DIAPH2: variants seen among roughly 807,000 people sequenced by gnomAD.
The protein encoded by DIAPH2 is diaphanous related formin 2, also known as protein diaphanous homolog 2.
A neutral mutation model predicts 92.7 loss-of-function variants in DIAPH2; 35 were observed. That is an observed-to-expected ratio of 0.38 (90% confidence interval 0.29 to 0.50). The LOEUF (loss-of-function observed/expected upper bound fraction) is 0.50. Ranked by LOEUF, DIAPH2 falls within the 20% of genes least tolerant of loss-of-function variation. The pLI, the probability that DIAPH2 is intolerant of heterozygous loss-of-function variation, is 0.94. For synonymous variants in DIAPH2, 301 were observed against 280.4 expected (o/e 1.07, Z -0.73); for missense variants, 701 against 819.5 (o/e 0.86, Z 1.77).
chrX:97,570,348 C>A (rs1379787921), intron 26 of DIAPH2, among the ~76,000 whole-genome samples: 1 of 104,688 alleles, frequency 9.6e-6, no homozygotes, highest in Non-Finnish European at 1.9e-5. Context: ...ATCTAAACTC[C>A]TTTCTGCTTG....
intron 26 of DIAPH2, among the ~76,000 whole-genome samples, chrX:97,491,753 G>T (rs2070727080): frequency 9.0e-6 from 1 of 111,472 alleles, no homozygotes; most frequent in Non-Finnish European, 1.9e-5. Context: ...CCCTTTTGTT[G>T]ATTGTTTTCT....
intron 4 of DIAPH2, among the ~76,000 whole-genome samples, chrX:96,842,195 A>G (rs1374245013): frequency 8.9e-6 from 1 of 111,927 alleles, no homozygotes. Context: ...CTAAAGGTCC[A>G]GTGCCATTTC....
At chrX:97,529,997 A>G (rs1472421765) in intron 26 of DIAPH2, among the ~76,000 whole-genome samples, 1 of 112,306 alleles carries the variant, frequency 8.9e-6, no homozygotes, top group African/African-American at 3.2e-5. Context: ...AATCTCAAGC[A>G]AGGAAAACTA....
At chrX:96,977,037 T>A (rs1243385191) in intron 17 of DIAPH2, among the ~76,000 whole-genome samples, 2 of 111,486 alleles carry the variant, frequency 1.8e-5, no homozygotes, top group Non-Finnish European at 3.8e-5. Flanking sequence ...TTGTTCTTAA[T>A]CTTAATCACT....
At chrX:96,989,672 A>G (rs1277345947) in intron 17 of DIAPH2, among the ~76,000 whole-genome samples, 1 of 111,737 alleles carries the variant, frequency 8.9e-6, no homozygotes, top group African/African-American at 3.3e-5. Flanking sequence ...GTATATTGGA[A>G]TTGAGATTTG....
intron 4 of DIAPH2, among the ~76,000 whole-genome samples, chrX:96,877,407 T>C (rs2065187524): frequency 8.9e-6 from 1 of 111,936 alleles, no homozygotes; most frequent in South Asian, 3.7e-4. Flanking sequence ...TCATGGTCAA[T>C]AACACTAACA....
intron 26 of DIAPH2, among the ~76,000 whole-genome samples, chrX:97,510,012 G>T (rs1192251974): frequency 2.7e-5 from 3 of 111,038 alleles, no homozygotes; most frequent in Non-Finnish European, 3.8e-5. Context: ...ATAGTCCTTT[G>T]GGTATATACC....
chrX:97,340,053 C>A (rs749279944), intron 23 of DIAPH2, among the ~76,000 whole-genome samples: 35 of 111,607 alleles, frequency 3.1e-4, no homozygotes, highest in African/African-American at 1.1e-3. Context: ...ACATTTTGAT[C>A]CTGGAATAGT....
At chrX:96,851,071 G>A (rs1201541179) in intron 4 of DIAPH2, among the ~76,000 whole-genome samples, 1 of 111,138 alleles carries the variant, frequency 9.0e-6, no homozygotes, top group Non-Finnish European at 1.9e-5. Context: ...TGTACTTATT[G>A]AAGCAGGAAT....
intron 23 of DIAPH2, among the ~76,000 whole-genome samples, chrX:97,314,364 G>C (rs1322997454): frequency 9.0e-6 from 1 of 111,087 alleles, no homozygotes; most frequent in Non-Finnish European, 1.9e-5. Context: ...AGTGTGCTAT[G>C]ATCATGCCAC....
chrX:96,848,461 G>T lies in DIAPH2; in HGVS notation c.448-33118G>T, dbSNP rs181454828. Among the ~76,000 whole-genome samples, 15 of 112,121 alleles carry T rather than the reference G, an allele frequency of 1.3e-4. No homozygotes were observed. The East Asian group carries it at 2.0e-3, about 15-fold the overall frequency. On this transcript the variant is annotated intron_variant, in intron 4 of 26. Transcript: ENST00000324765. ...ATTTTAAAATTATCATTTTGTTATT[G>T]ATTGCTATGCCAACCAATACTCTTT... is the stretch of plus-strand genomic sequence containing the variant.
intron 17 of DIAPH2, among the ~76,000 whole-genome samples, chrX:96,996,939 A>C (rs866484016): frequency 8.9e-6 from 1 of 111,877 alleles, no homozygotes; most frequent in South Asian, 3.7e-4. Context: ...ATATATTCTT[A>C]TTTTCTTATT....
chrX:97,155,353 T>G (rs2067314650), intron 22 of DIAPH2, among the ~76,000 whole-genome samples: 1 of 109,598 alleles, frequency 9.1e-6, no homozygotes, highest in Non-Finnish European at 1.9e-5. Context: ...ATACAAAAAT[T>G]AGCCGGGTGT....
chrX:97,237,252 T>A, intron 22 of DIAPH2, among the ~76,000 whole-genome samples: 1 of 112,278 alleles, frequency 8.9e-6, no homozygotes, highest in South Asian at 3.7e-4. Context: ...TTTGACAACC[T>A]ACACTTTTAT....
intron 25 of DIAPH2, among the ~76,000 whole-genome samples, chrX:97,411,860 A>G (rs2069877860): frequency 8.9e-6 from 1 of 112,028 alleles, no homozygotes; most frequent in Admixed American, 9.5e-5. Context: ...TGACTATCCT[A>G]AATATATATG....
chrX:96,808,656 A>T (rs1176780385), intron 4 of DIAPH2, among the ~76,000 whole-genome samples: 2 of 111,978 alleles, frequency 1.8e-5, no homozygotes, highest in Non-Finnish European at 3.8e-5. Context: ...GTTGTTTTTC[A>T]ACTAGTACTC....
At chrX:97,579,559 T>G (rs1255657346) in intron 26 of DIAPH2, among the ~76,000 whole-genome samples, 2 of 111,368 alleles carry the variant, frequency 1.8e-5, no homozygotes, top group African/African-American at 6.6e-5. Context: ...CATGCTGTTT[T>G]GGTTACTGTA....
intron 9 of DIAPH2, 24 bp downstream of exon 9, chrX:96,918,641 G>A: frequency 9.7e-7 from 1 of 1,030,563 alleles, no homozygotes; most frequent in Non-Finnish European, 1.4e-6. Context: ...GTCTTAAATT[G>A]CTTCTAGAGT....
Position 97,185,329 on chromosome X carries a change from ATATATATATATGTATATATATATGTGTG to A in DIAPH2, c.2719+43561_2719+43588del, listed in dbSNP as rs2067574779. ...AAAATATATATATATATATATGTGT[ATATATATATATGTATATATATATGTGTG>A]TATATATATATGTATATATATATGT... On this transcript the variant is annotated intron_variant, in intron 22 of 26. Coordinates refer to ENST00000324765, the MANE Select transcript of DIAPH2 (RefSeq NM_006729.5). 3.2e-4 allele frequency among the ~76,000 whole-genome samples: 3 copies of A among 9,406 alleles called. 1 individual carries two copies. Among genetic ancestry groups the A allele is most frequent in the Non-Finnish European group, 4.0e-4 (2 of 5,054 alleles). 8.2% of individuals were successfully genotyped at this position (9,406 alleles called of 115,157 possible).
Sources: allele counts gnomAD v4.1 joint callset (sites outside exome capture counted in the v4.1 genomes callset), GRCh38; gene constraint gnomAD v4.1.1; transcripts MANE v1.5; gene names NCBI Gene and HGNC (gene_info 2026-07-23, HGNC 2026-07-21).